Variants in YME1L1 observed in about 807,000 individuals in gnomAD.
YME1L1 encodes the protein ATP-dependent zinc metalloprotease YME1L1.
In YME1L1, 39 loss-of-function variants were observed where a neutral mutation model predicts 90.4. The ratio of observed to expected loss-of-function variants is 0.43; its 90% CI spans 0.33 to 0.56. YME1L1 has a LOEUF of 0.56. YME1L1 is among the 20% of genes least tolerant of loss of function. The probability of loss-of-function intolerance (pLI) is 0.03; values close to 1 mark genes in which losing one functional copy is unlikely to be tolerated. For synonymous variants in YME1L1, 284 were observed against 287.3 expected (o/e 0.99, Z 0.12); for missense variants, 617 against 868.4 (o/e 0.71, Z 3.64).
At chr10:27,153,106 C>G in intron 1 of YME1L1, 2 of 454,102 alleles carry the variant, frequency 4.4e-6, no homozygotes, top group Non-Finnish European at 9.1e-6. Context: ...TTTCCTAACT[C>G]AGGACCTCCA....
At chr10:27,136,180 A>C in intron 5 of YME1L1, 96 bp downstream of exon 5, 1 of 979,402 alleles carries the variant, frequency 1.0e-6, no homozygotes. Flanking sequence ...AGAAGGAAGA[A>C]TATCTATCAG....
chr10:27,125,720 A>T (rs1292728044), intron 9 of YME1L1, among the ~76,000 whole-genome samples: 2 of 150,024 alleles, frequency 1.3e-5, no homozygotes, highest in African/African-American at 4.9e-5. Context: ...GGCTCACTGC[A>T]ACCTCTGCCT....
chr10:27,147,829 T>C (rs2057162577), intron 2 of YME1L1, among the ~76,000 whole-genome samples: 1 of 152,118 alleles, frequency 6.6e-6, no homozygotes, highest in Admixed American at 6.5e-5. Flanking sequence ...ACCTAGCAGC[T>C]TCCCCTGGCA....
intron 11 of YME1L1, among the ~76,000 whole-genome samples, chr10:27,122,292 G>C (rs2056875407): frequency 6.6e-6 from 1 of 152,142 alleles, no homozygotes; most frequent in South Asian, 2.1e-4. Context: ...AAAAAGCTTA[G>C]GTGCCTGGTT....
intron 9 of YME1L1, 133 bp downstream of exon 9, chr10:27,126,563 A>C (rs1046328234): frequency 3.7e-6 from 2 of 545,774 alleles, no homozygotes; most frequent in African/African-American, 4.0e-5. Flanking sequence ...CAGAATGAAC[A>C]TCTATTTTGT....
intron 8 of YME1L1, among the ~76,000 whole-genome samples, 176 bp downstream of exon 8, chr10:27,131,683 C>T (rs1007868273): frequency 2.0e-5 from 3 of 152,206 alleles, no homozygotes; most frequent in Non-Finnish European, 2.9e-5. Flanking sequence ...TATCCCCTGC[C>T]ATAAAGCAAG....
intron 14 of YME1L1, among the ~76,000 whole-genome samples, chr10:27,118,193 C>G (rs2056832828): frequency 6.6e-6 from 1 of 152,186 alleles, no homozygotes; most frequent in South Asian, 2.1e-4. Flanking sequence ...TCACTCCAAC[C>G]TTGAACTCTT....
At chr10:27,150,550 C>T (rs2057200808) in intron 1 of YME1L1, among the ~76,000 whole-genome samples, 1 of 152,126 alleles carries the variant, frequency 6.6e-6, no homozygotes, top group Admixed American at 6.5e-5. Flanking sequence ...AGTAAGGAAG[C>T]CAGCCAAATC....
chr10:27,112,982 G>A (rs2056772904), intron 18 of YME1L1, among the ~76,000 whole-genome samples: 1 of 152,084 alleles, frequency 6.6e-6, no homozygotes, highest in Non-Finnish European at 1.5e-5. Context: ...AGCACTTTGG[G>A]AGGCCAAGGC....
At chr10:27,139,018 C>T (rs2057058059) in intron 4 of YME1L1, among the ~76,000 whole-genome samples, 1 of 151,956 alleles carries the variant, frequency 6.6e-6, no homozygotes, top group Non-Finnish European at 1.5e-5. Context: ...GATAAATTGA[C>T]TTACTAATAA....
In YME1L1 at chr10:27,122,905, T is replaced by C; in HGVS notation, c.1171A>G (p.Ile391Val). 6.2e-7 allele frequency: 1 copy of C among 1,613,554 alleles called. No individual in the cohort carries two copies. Among genetic ancestry groups the C allele is most frequent in the Non-Finnish European group, 8.5e-7 (1 of 1,179,758 alleles). Residue 391 changes from isoleucine (I) to valine (V), a missense_variant, in exon 11 of 19, where the codon ATT becomes GTT. Physicochemically the swap from Ile to Val is conservative, Grantham distance 29. Around this residue, in one of 4 missense-constraint regions of YME1L1, gnomAD observed 93 missense variants for 184.8 expected, o/e 0.50. Coordinates refer to ENST00000376016, the MANE Select transcript of YME1L1 (RefSeq NM_014263.4). ...GAATATGGATGCATTGGAGATTCAA[T>C]TCTCTTCCCACCAACAGAATCTAAT... ...DELDSVGGKR[I>V]ESPMHPYSRQ...
chr10:27,129,719 A>T (rs1423800669), intron 8 of YME1L1, among the ~76,000 whole-genome samples: 1 of 52,202 alleles, frequency 1.9e-5, no homozygotes, highest in East Asian at 1.1e-3. Context: ...AAGATAAAAT[A>T]AAAAAAAAAA....
At chr10:27,120,307 TG>T in intron 13 of YME1L1, 127 bp downstream of exon 13, 1 of 645,044 alleles carries the variant, frequency 1.6e-6, no homozygotes, top group Non-Finnish European at 2.6e-6. Context: ...AACATACTAA[TG>T]GAAAAAAAAA....
chr10:27,151,739 G>A (rs931868490), intron 1 of YME1L1, among the ~76,000 whole-genome samples: 1 of 152,098 alleles, frequency 6.6e-6, no homozygotes, highest in African/African-American at 2.4e-5. Context: ...AAATTAGCCG[G>A]GCGTGGTGGC....
At chr10:27,121,726 C>A (rs2056869456) in intron 11 of YME1L1, among the ~76,000 whole-genome samples, 1 of 149,924 alleles carries the variant, frequency 6.7e-6, no homozygotes, top group Non-Finnish European at 1.5e-5. Context: ...CTTTTCTCCC[C>A]AATTTCTAGG....
rs2056844416 is a variant in YME1L1 at position 27,119,444 on chromosome 10, C to T, written c.1417G>A (p.Asp473Asn). 12 of 1,604,716 alleles carry T rather than the reference C, an allele frequency of 7.5e-6. No individual in the cohort carries two copies. The highest frequency in any genetic ancestry group is 1.0e-5 in the Non-Finnish European group (12 of 1,177,386). The change falls in exon 14 of 19, where the codon GAT (aspartate) becomes AAT (asparagine). Residue 473 changes from aspartate (D) to asparagine (N), a missense_variant. By Grantham distance (23) the Asp-to-Asn change is conservative. Transcript: ENST00000376016. ...GTACCTCGAGCTATAATTTCTGGATCAACGGCTAATGTAAAAAGAGAACAC... is the reference window on the plus strand; with the variant it reads ...GTACCTCGAGCTATAATTTCTGGATTAACGGCTAATGTAAAAAGAGAACAC... Reference protein sequence around the residue: ...LNKIKFDQSVDPEIIARGTVG... With the variant: ...LNKIKFDQSVNPEIIARGTVG...
intron 9 of YME1L1, 59 bp downstream of exon 9, chr10:27,126,637 T>C: frequency 1.1e-6 from 1 of 928,604 alleles, no homozygotes; most frequent in South Asian, 1.8e-5. Flanking sequence ...AGGTTTTTTT[T>C]GTTTGTTTCT....
chr10:27,114,897 C>T (rs1011789133), intron 17 of YME1L1, among the ~76,000 whole-genome samples: 1 of 152,098 alleles, frequency 6.6e-6, no homozygotes, highest in Admixed American at 6.5e-5. Context: ...CATAGCGGCA[C>T]GTGCCTGTAA....
chr10:27,126,934 G>T, intron 8 of YME1L1, 148 bp from the exon 9 acceptor site: 1 of 563,712 alleles, frequency 1.8e-6, no homozygotes, highest in Non-Finnish European at 3.1e-6. Flanking sequence ...ATACAAAAAT[G>T]GCCCCTTATA....
Sources: allele counts gnomAD v4.1 joint callset (sites outside exome capture counted in the v4.1 genomes callset), GRCh38; gene constraint gnomAD v4.1.1; regional missense constraint gnomAD v4.1.1; transcripts MANE v1.5; gene names NCBI Gene and HGNC (gene_info 2026-07-23, HGNC 2026-07-21).